The following PAK3 variants were observed in gnomAD, a reference collection of about 807,000 sequenced individuals.
PAK3 encodes the protein p21 (RAC1) activated kinase 3, also known as serine/threonine-protein kinase PAK 3.
In PAK3, 4 loss-of-function variants were observed where a neutral mutation model predicts 41.0. The observed-to-expected ratio is 0.10, with a 90% CI of 0.05 to 0.22. The LOEUF is 0.22. Ranked by LOEUF, PAK3 falls within the 10% of genes least tolerant of loss-of-function variation. The pLI is 1.00. For missense variants in PAK3, 205 were observed against 409.9 expected, an observed-to-expected ratio of 0.50 and a Z score of 4.32; for synonymous variants, 146 against 139.6, an observed-to-expected ratio of 1.05 and a Z score of -0.32.
At chrX:110,994,307 A>T (rs1022047580) in intron 1 of PAK3, among the ~76,000 whole-genome samples, 1 of 111,770 alleles carries the variant, frequency 8.9e-6, no homozygotes. Context: ...ATTACTACTC[A>T]TCATGGTTTG....
intron 1 of PAK3, among the ~76,000 whole-genome samples, chrX:111,062,539 C>T (rs1456641820): frequency 1.8e-5 from 2 of 112,377 alleles, no homozygotes; most frequent in Admixed American, 1.9e-4. Flanking sequence ...TGAAGCCAGA[C>T]ATCTGTAGAA....
intron 5 of PAK3, among the ~76,000 whole-genome samples, chrX:111,132,010 C>T (rs764069069): frequency 9.0e-6 from 1 of 110,862 alleles, no homozygotes; most frequent in Non-Finnish European, 1.9e-5. Context: ...GGAAAAACCA[C>T]AGTACTTAAT....
intron 11 of PAK3, among the ~76,000 whole-genome samples, chrX:111,185,948 A>C (rs763996774): frequency 5.8e-4 from 65 of 111,355 alleles, no homozygotes; most frequent in Non-Finnish European, 9.4e-4. Flanking sequence ...TATCCACCAC[A>C]ATCAAGTCAG....
intron 1 of PAK3, among the ~76,000 whole-genome samples, chrX:111,046,111 G>A (rs141050893): frequency 0.016 from 1,764 of 111,565 alleles, 34 homozygotes; most frequent in African/African-American, 0.054. Context: ...CTTGTATGGG[G>A]GCTGAGGCTG....
intron 1 of PAK3, among the ~76,000 whole-genome samples, chrX:110,968,081 T>C (rs2091119547): frequency 8.9e-6 from 1 of 112,638 alleles, no homozygotes; most frequent in Admixed American, 9.4e-5. Flanking sequence ...AACAATATAT[T>C]ATGTGACTTT....
chrX:111,004,970 AC>A (rs1200745478), intron 1 of PAK3, among the ~76,000 whole-genome samples: 7 of 112,409 alleles, frequency 6.2e-5, no homozygotes, highest in Non-Finnish European at 3.8e-5. Flanking sequence ...TTATTGACTA[AC>A]TGCAAAGATG....
At chrX:111,186,429 G>A (rs1295903679) in intron 11 of PAK3, among the ~76,000 whole-genome samples, 2 of 111,591 alleles carry the variant, frequency 1.8e-5, no homozygotes, top group Non-Finnish European at 3.8e-5. Context: ...AAGCTGATAA[G>A]CAACTTCAGC....
intron 1 of PAK3, among the ~76,000 whole-genome samples, chrX:111,025,316 G>A (rs1410073836): frequency 9.1e-6 from 1 of 110,449 alleles, no homozygotes; most frequent in Non-Finnish European, 1.9e-5. Context: ...AAATGAAATT[G>A]AAACAAAAAA....
intron 1 of PAK3, among the ~76,000 whole-genome samples, chrX:110,960,678 T>C (rs1217139784): frequency 1.8e-5 from 2 of 111,147 alleles, no homozygotes; most frequent in Non-Finnish European, 3.8e-5. Flanking sequence ...GGTGTGACTT[T>C]TATTTGAAGT....
chrX:110,971,518 G>A (rs1368574192), intron 1 of PAK3, among the ~76,000 whole-genome samples: 1 of 111,457 alleles, frequency 9.0e-6, no homozygotes, highest in East Asian at 2.8e-4. Flanking sequence ...TCCATTTGTT[G>A]GCTGCCATAA....
chrX:111,169,900 C>G (rs990861689), intron 10 of PAK3, among the ~76,000 whole-genome samples: 19 of 111,401 alleles, frequency 1.7e-4, no homozygotes, highest in African/African-American at 6.2e-4. Context: ...GATTAGGAAC[C>G]TTGCATTGCC....
chrX:111,015,132 C>CTAGTATAGTAAG (rs1219282649), intron 1 of PAK3, among the ~76,000 whole-genome samples: 2 of 110,418 alleles, frequency 1.8e-5, no homozygotes, highest in Non-Finnish European at 3.8e-5. Context: ...ATACTACTAA[C>CTAGTATAGTAAG]TAGTATAGTA....
Position 110,964,166 on chromosome X carries a change from G to C in PAK3, c.-28+19538G>C, listed in dbSNP as rs529417003. 1.2e-4 allele frequency among the ~76,000 whole-genome samples: 13 copies of C among 111,917 alleles called. No individual in the cohort carries two copies. In the East Asian group the frequency reaches 3.4e-3, roughly 29 times the overall value. ...GCCCTTTTACAAATGAGAAAACTGA[G>C]TTCAAGGAGGTTAAGTGACTTGATT... On this transcript the variant is annotated intron_variant, in intron 1 of 14. Coordinates refer to the PAK3 transcript ENST00000425146.
intron 1 of PAK3, among the ~76,000 whole-genome samples, chrX:111,043,647 G>A (rs1241523248): frequency 8.9e-6 from 1 of 112,315 alleles, no homozygotes; most frequent in East Asian, 2.8e-4. Flanking sequence ...ATTTGCTTTA[G>A]TGAGAATCCT....
chrX:111,020,705 A>G (rs1444987368), intron 1 of PAK3, among the ~76,000 whole-genome samples: 1 of 111,464 alleles, frequency 9.0e-6, no homozygotes, highest in Non-Finnish European at 1.9e-5. Context: ...GATGTCAAAA[A>G]CCTGTGTCTG....
intron 1 of PAK3, among the ~76,000 whole-genome samples, chrX:110,995,177 C>A (rs1186518702): frequency 9.0e-6 from 1 of 111,144 alleles, no homozygotes; most frequent in Non-Finnish European, 1.9e-5. Context: ...ATAAAAAAAC[C>A]AGTGTTGGGG....
chrX:111,159,411 T>C (rs2094143726), intron 8 of PAK3, among the ~76,000 whole-genome samples: 1 of 111,261 alleles, frequency 9.0e-6, no homozygotes, highest in African/African-American at 3.3e-5. Context: ...CACGGGCCCA[T>C]GTAAAACTTA....
At chrX:111,067,356 T>C (rs889294695) in intron 1 of PAK3, among the ~76,000 whole-genome samples, 2 of 111,577 alleles carry the variant, frequency 1.8e-5, no homozygotes, top group Non-Finnish European at 1.9e-5. Flanking sequence ...CTTGCAACAA[T>C]ACTATGAGGA....
intron 1 of PAK3, among the ~76,000 whole-genome samples, chrX:111,078,109 A>C (rs889142407): frequency 8.9e-6 from 1 of 112,063 alleles, no homozygotes; most frequent in Non-Finnish European, 1.9e-5. Flanking sequence ...CCACAATGAG[A>C]TATCACCTCA....
Sources: gnomAD v4.1 joint callset for allele counts (sites outside exome capture counted in the v4.1 genomes callset) on GRCh38, gnomAD v4.1.1 for gene constraint, MANE v1.5 for transcripts, NCBI Gene and HGNC (gene_info 2026-07-23, HGNC 2026-07-21) for gene names.